MMP20: variants seen among roughly 807,000 people sequenced by gnomAD.
MMP20 encodes the protein matrix metalloproteinase-20.
Under a neutral mutation model 51.8 loss-of-function variants are expected in MMP20, and 50 were observed. That is an observed-to-expected ratio of 0.97 (90% CI 0.77 to 1.22). The LOEUF is 1.22. MMP20 is among the 50% of genes most tolerant of loss of function. The pLI is 0.00. For missense variants in MMP20, 663 were observed against 601.4 expected (o/e 1.10, Z -1.07); for synonymous variants, 244 against 216.2 (o/e 1.13, Z -1.13).
At chr11:102,617,453 A>G (rs1192733285) in intron 1 of MMP20, among the ~76,000 whole-genome samples, 7 of 152,334 alleles carry the variant, frequency 4.6e-5, no homozygotes, top group African/African-American at 1.7e-4. Context: ...CCCAATTTGC[A>G]AAACAAAGGC....
chr11:102,593,474 C>T lies in MMP20; in HGVS notation c.1212G>A (p.Gln404=), dbSNP rs762087055. The T allele has an allele frequency of 1.2e-5, 19 of 1,614,024 alleles. No individual in the cohort carries two copies. The highest frequency in any genetic ancestry group is 1.4e-5 in the Non-Finnish European group (17 of 1,179,998). ...CATCTCCCACAAAGAAAAGGGTCTTCTGTGGCTCCCTGAGGTAGACAGCAG... is the reference window on the plus strand; with the variant it reads ...CATCTCCCACAAAGAAAAGGGTCTTTTGTGGCTCCCTGAGGTAGACAGCAG... The part of the protein sequence containing the change: ...IDAAVYLREP[Q]KTLFFVGDEY... The change falls in exon 8 of 10, where the codon CAG becomes CAA. Residue 404 remains glutamine, a synonymous_variant. Coordinates refer to ENST00000260228, the MANE Select transcript of MMP20 (RefSeq NM_004771.4).
intron 6 of MMP20, among the ~76,000 whole-genome samples, chr11:102,603,777 C>T (rs118108777): frequency 0.012 from 1,900 of 152,248 alleles, 30 homozygotes; most frequent in Non-Finnish European, 0.019. Flanking sequence ...CCCAGTAGCT[C>T]ATTGAATCTG....
chr11:102,597,496 G>A (rs775363432), intron 6 of MMP20, among the ~76,000 whole-genome samples: 6 of 152,310 alleles, frequency 3.9e-5, no homozygotes, highest in Admixed American at 6.5e-5. Context: ...CCTGGGGGAC[G>A]TTAGGCAATA....
chr11:102,620,395 C>A (rs1194243748), intron 1 of MMP20, among the ~76,000 whole-genome samples: 1 of 152,174 alleles, frequency 6.6e-6, no homozygotes, highest in Non-Finnish European at 1.5e-5. Flanking sequence ...TCATGTGATG[C>A]TCTAACACTT....
rs1013540504 is a variant in MMP20 at position 102,601,434 on chromosome 11, G to T, written c.953+5101C>A. The stretch of plus-strand genomic sequence containing the variant: ...GGCGTGAGCCACCGCGCCCGGCCTC[G>T]GCTATTCTTATCGTTATTATTTTCG... On this transcript the variant is annotated intron_variant, in intron 6 of 9. Transcript: ENST00000260228. 3.3e-5 allele frequency among the ~76,000 whole-genome samples: 5 copies of T among 151,870 alleles called. 1 individual carries two copies. Among genetic ancestry groups the T allele is most frequent in the African/African-American group, 1.2e-4 (5 of 41,320 alleles).
At chr11:102,613,070 C>T (rs1014414297) in intron 2 of MMP20, among the ~76,000 whole-genome samples, 1 of 152,148 alleles carries the variant, frequency 6.6e-6, no homozygotes, top group African/African-American at 2.4e-5. Flanking sequence ...GAAGGGCTAG[C>T]TTTAAAAACG....
intron 8 of MMP20, among the ~76,000 whole-genome samples, chr11:102,588,153 C>T (rs1859275238): frequency 1.3e-5 from 2 of 152,054 alleles, no homozygotes; most frequent in African/African-American, 4.8e-5. Context: ...TTGCCATATA[C>T]ATCTTAACTT....
At chr11:102,613,180 G>A (rs560279553) in intron 2 of MMP20, among the ~76,000 whole-genome samples, 2 of 152,228 alleles carry the variant, frequency 1.3e-5, no homozygotes, top group Non-Finnish European at 1.5e-5. Context: ...TGGACTGTGG[G>A]TGGAGTCAGA....
intron 1 of MMP20, among the ~76,000 whole-genome samples, chr11:102,620,838 C>G (rs1183582730): frequency 2.0e-5 from 3 of 152,180 alleles, no homozygotes; most frequent in Non-Finnish European, 4.4e-5. Flanking sequence ...CAGGTTCCAG[C>G]CCATGCTGAG....
intron 8 of MMP20, among the ~76,000 whole-genome samples, chr11:102,585,682 T>C (rs1268039923): frequency 6.6e-6 from 1 of 152,220 alleles, no homozygotes; most frequent in Admixed American, 6.5e-5. Context: ...TTGTTTTTGA[T>C]GTTAGGAGGA....
chr11:102,596,889 G>A (rs778688665), intron 6 of MMP20, among the ~76,000 whole-genome samples: 29 of 152,162 alleles, frequency 1.9e-4, no homozygotes, highest in Admixed American at 5.2e-4. Context: ...CCACCACCTC[G>A]TAATGAATAC....
chr11:102,616,000 G>A (rs1023434278), intron 2 of MMP20, among the ~76,000 whole-genome samples: 1 of 152,156 alleles, frequency 6.6e-6, no homozygotes, highest in South Asian at 2.1e-4. Flanking sequence ...CCAGAATCAG[G>A]TCTGGCTGTG....
chr11:102,592,863 G>T (rs1298558658), intron 8 of MMP20, among the ~76,000 whole-genome samples: 1 of 152,216 alleles, frequency 6.6e-6, no homozygotes, highest in Non-Finnish European at 1.5e-5. Context: ...GTGATTGGAT[G>T]ACAGATGACA....
chr11:102,621,304 A>T (rs977987129), intron 1 of MMP20, among the ~76,000 whole-genome samples: 4 of 152,232 alleles, frequency 2.6e-5, no homozygotes, highest in African/African-American at 9.7e-5. Context: ...CAGGATGTTT[A>T]CCTTGGCCTA....
At chr11:102,613,592 T>C (rs1457725335) in intron 2 of MMP20, among the ~76,000 whole-genome samples, 1 of 152,202 alleles carries the variant, frequency 6.6e-6, no homozygotes, top group Admixed American at 6.5e-5. Flanking sequence ...TAGGTTATTA[T>C]AATGCAGATG....
In MMP20 at chr11:102,622,809, C is replaced by A. The variant is rs182761673; in HGVS notation, c.126+2385G>T. ...TATGCCATGCTGTAAGCATTCAATA[C>A]ATGAACTTATGCTGCCTATTTTACT... is the stretch of plus-strand genomic sequence containing the variant. On this transcript the variant is annotated intron_variant, in intron 1 of 9. Transcript: ENST00000260228. Among the ~76,000 whole-genome samples the A allele has an allele frequency of 2.3e-3, 351 of 152,348 alleles. 1 individual carries two copies. Among genetic ancestry groups the A allele is most frequent in the African/African-American group, 7.9e-3 (329 of 41,584 alleles).
At chr11:102,580,542 A>G (rs372299972) in intron 8 of MMP20, among the ~76,000 whole-genome samples, 13 of 152,248 alleles carry the variant, frequency 8.5e-5, no homozygotes, top group African/African-American at 3.1e-4. Flanking sequence ...TCAGGCTGAA[A>G]CTAAGTGCAA....
chr11:102,619,586 C>A (rs61895669), intron 1 of MMP20, among the ~76,000 whole-genome samples: 592 of 151,670 alleles, frequency 3.9e-3, no homozygotes, highest in Middle Eastern at 6.8e-3. Flanking sequence ...AAAATAAATG[C>A]CAAAAAAATC....
intron 4 of MMP20, 101 bp downstream of exon 4, chr11:102,609,804 T>C: frequency 6.5e-7 from 1 of 1,541,638 alleles, no homozygotes; most frequent in Non-Finnish European, 8.9e-7. Context: ...CCAGCCCCCC[T>C]AGTTAAAGGG....
Sources: allele counts gnomAD v4.1 joint callset (sites outside exome capture counted in the v4.1 genomes callset), GRCh38; gene constraint gnomAD v4.1.1; transcripts MANE v1.5; gene names NCBI Gene and HGNC (gene_info 2026-07-23, HGNC 2026-07-21).